The following MYLIP variants were observed in gnomAD, a reference collection of about 807,000 sequenced individuals.
The protein encoded by MYLIP is myosin regulatory light chain interacting protein.
A neutral mutation model predicts 45.8 loss-of-function variants in MYLIP; 26 were observed. That is an observed-to-expected ratio of 0.57 (90% CI 0.42 to 0.79). The LOEUF is 0.79. Ranked by LOEUF, MYLIP falls within the 30% of genes least tolerant of loss-of-function variation. MYLIP has a pLI of 0.00. For synonymous variants in MYLIP, 213 were observed against 218.1 expected (o/e 0.98, Z 0.21); for missense variants, 494 against 555.6 (o/e 0.89, Z 1.11).
chr6:16,141,903 G>A lies in MYLIP; in HGVS notation c.464+93G>A. ...AAGGTAAACTAATCACACATAATATGCAGTTTTATGTACATTTTTGAGCTC... is the reference window on the plus strand; with the variant it reads ...AAGGTAAACTAATCACACATAATATACAGTTTTATGTACATTTTTGAGCTC... On this transcript the variant is annotated intron_variant, in intron 3 of 6. Transcript: ENST00000356840. The A allele has an allele frequency of 1.7e-6, 2 of 1,185,622 alleles. 1 individual carries two copies. The highest frequency in any genetic ancestry group is 3.6e-5 in the South Asian group (2 of 56,304). 73.4% of individuals were successfully genotyped at this position (1,185,622 alleles called of 1,614,324 possible).
downstream of MYLIP, among the ~76,000 whole-genome samples, chr6:16,150,513 C>A (rs952418897): frequency 6.6e-6 from 1 of 152,046 alleles, no homozygotes; most frequent in African/African-American, 2.4e-5. Context: ...AATAGGAGGC[C>A]CTGTGTAGGC....
the MYLIP span, among the ~76,000 whole-genome samples, chr6:16,159,831 G>A: frequency 5.3e-4 from 80 of 152,276 alleles, no homozygotes; most frequent in Admixed American, 9.1e-4. Flanking sequence ...CCAGGGGATC[G>A]AAAGAAACCA....
the MYLIP span, among the ~76,000 whole-genome samples, chr6:16,159,404 A>G: frequency 6.6e-6 from 1 of 152,178 alleles, no homozygotes; most frequent in Non-Finnish European, 1.5e-5. Flanking sequence ...GGGCCCTTTC[A>G]TGGGACTCTA....
At chr6:16,157,398 T>G in the MYLIP span, among the ~76,000 whole-genome samples, 1 of 152,272 alleles carries the variant, frequency 6.6e-6, no homozygotes, top group East Asian at 1.9e-4. Flanking sequence ...TTCATAGCAT[T>G]TATCACTATC....
the MYLIP span, among the ~76,000 whole-genome samples, chr6:16,158,206 C>T: frequency 6.6e-6 from 1 of 152,250 alleles, no homozygotes; most frequent in Non-Finnish European, 1.5e-5. Flanking sequence ...CAAAAGCACA[C>T]CGTCCCCGCC....
intron 6 of MYLIP, 108 bp downstream of exon 6, chr6:16,145,425 A>G (rs538057748): frequency 1.6e-6 from 2 of 1,261,680 alleles, no homozygotes; most frequent in African/African-American, 3.0e-5. Context: ...GGGAATGCCC[A>G]TCTTCACCCG....
chr6:16,162,946 G>A, the MYLIP span, among the ~76,000 whole-genome samples: 3 of 151,962 alleles, frequency 2.0e-5, no homozygotes, highest in Admixed American at 6.6e-5. Flanking sequence ...AAGATGACAC[G>A]CCCTCTGCTT....
intron 2 of MYLIP, among the ~76,000 whole-genome samples, chr6:16,136,852 A>G (rs1011605040): frequency 6.6e-6 from 1 of 152,204 alleles, no homozygotes; most frequent in African/African-American, 2.4e-5. Flanking sequence ...TATCTTTTTC[A>G]AAGTGTCCAA....
At chr6:16,141,532 C>A (rs1239427640) in intron 2 of MYLIP, 93 bp from the exon 3 acceptor site, 11 of 1,191,532 alleles carry the variant, frequency 9.2e-6, no homozygotes, top group African/African-American at 1.5e-5. Context: ...TTTAAAATTG[C>A]TTTCCTTAAA....
At chr6:16,146,603 ACACAGGCCCCC>A in intron 6 of MYLIP, 48 bp from the exon 7 acceptor site, 1 of 1,381,868 alleles carries the variant, frequency 7.2e-7, no homozygotes, top group African/African-American at 1.4e-5. Flanking sequence ...GTGCACAGAG[ACACAGGCCCCC>A]CACCGAGGCT....
the MYLIP span, among the ~76,000 whole-genome samples, chr6:16,162,785 T>TAAAAAAAAAAAAAAAAAAAAAAAAAAAA: frequency 2.4e-4 from 17 of 69,608 alleles, 2 homozygotes; most frequent in African/African-American, 7.7e-4. Context: ...ACCTCAACTC[T>TAAAAAAAAAAAAAAAAAAAAAAAAAAAA]AAAAAAAAAA....
the MYLIP span, among the ~76,000 whole-genome samples, chr6:16,157,792 A>G: frequency 1.3e-5 from 2 of 152,240 alleles, no homozygotes; most frequent in Non-Finnish European, 2.9e-5. Flanking sequence ...CGTACAGGAA[A>G]CTCCCAGGTT....
chr6:16,129,953 G>A lies in MYLIP; in HGVS notation c.87+544G>A, dbSNP rs1235314241. On this transcript the variant is annotated intron_variant, in intron 1 of 6. Coordinates refer to ENST00000356840, the MANE Select transcript of MYLIP (RefSeq NM_013262.4). The surrounding 1 kb of genome is among the most constrained non-coding windows in gnomAD (Gnocchi z 5.1). ...CGGGGGACGGGAGGAATAGGTTTGG[G>A]TCATCTACTGCTCGGTTGTTTTTAA... is the stretch of plus-strand genomic sequence containing the variant. Among the ~76,000 whole-genome samples the A allele has an allele frequency of 2.6e-5, 4 of 152,360 alleles. No individual in the cohort carries two copies. The East Asian group carries it at 7.7e-4, about 29-fold the overall frequency.
At position 16,146,851 on chromosome 6, in the gene MYLIP, A is replaced by C; in HGVS notation, c.*100A>C. 6 of 991,776 alleles carry C rather than the reference A, an allele frequency of 6.0e-6. No homozygotes were observed. Among genetic ancestry groups the C allele is most frequent in the East Asian group, 2.7e-5 (1 of 36,454 alleles). The allele number at this position is 991,776 out of a possible 1,614,324, so 61.4% of individuals were successfully genotyped here. A position where few individuals can be genotyped will look rare whatever the true frequency, so the allele number is the denominator to read the frequency against. On this transcript the variant is annotated 3_prime_UTR_variant, in exon 7 of 7. Coordinates refer to ENST00000356840, the MANE Select transcript of MYLIP (RefSeq NM_013262.4). ...GGAGAAAGTAATTATTCCAACACCCATCTGCCATGCGATGTTAAAAAAAAA... is the reference window on the plus strand; with the variant it reads ...GGAGAAAGTAATTATTCCAACACCCCTCTGCCATGCGATGTTAAAAAAAAA...
chr6:16,130,133 T>C (rs1337675065), intron 1 of MYLIP, among the ~76,000 whole-genome samples: 1 of 152,242 alleles, frequency 6.6e-6, no homozygotes, highest in Non-Finnish European at 1.5e-5. Context: ...CTGACACTTG[T>C]GGCGTGTTCC....
chr6:16,145,189 C>T lies in MYLIP; in HGVS notation c.1120C>T (p.Leu374=). Residue 374 remains leucine (L), a synonymous_variant, in exon 6 of 7, where the codon CTG becomes TTG. Coordinates refer to ENST00000356840, the MANE Select transcript of MYLIP (RefSeq NM_013262.4). The part of the protein sequence containing the change: ...EGLSCQQTRV[L]QEKLRKLKEA... ...CCTCAGCTGCCAGCAGACCCGGGTG[C>T]TGCAGGAGAAGCTACGCAAGCTGAA... 1.9e-6 allele frequency: 3 copies of T among 1,614,170 alleles called. No homozygotes were observed. Among genetic ancestry groups the T allele is most frequent in the South Asian group, 2.2e-5 (2 of 91,082 alleles).
At chr6:16,142,326 G>C (rs1239359033) in intron 3 of MYLIP, among the ~76,000 whole-genome samples, 1 of 152,206 alleles carries the variant, frequency 6.6e-6, no homozygotes, top group Non-Finnish European at 1.5e-5. Context: ...TTTTAAATCT[G>C]TGCCTTTAAG....
Position 16,129,419 on chromosome 6 carries a change from A to AG in MYLIP, c.87+14dup. ...GGACTGCCTCAACCAGGTGAGGGCG[A>AG]GGGGCAAGAAGGGGCCCCGGCGGGT... On this transcript the variant is annotated intron_variant, in intron 1 of 6. Transcript: ENST00000356840. The surrounding 1 kb of genome is among the most constrained non-coding windows in gnomAD (Gnocchi z 5.1). The AG allele has an allele frequency of 6.4e-7, 1 of 1,568,430 alleles. No homozygotes were observed. The highest frequency in any genetic ancestry group is 8.6e-7 in the Non-Finnish European group (1 of 1,157,478).
In MYLIP at chr6:16,146,951, A is replaced by G. The variant is rs1483154700; in HGVS notation, c.*200A>G. The G allele has an allele frequency of 1.3e-5, 6 of 474,514 alleles. No individual in the cohort carries two copies. The highest frequency in any genetic ancestry group is 2.3e-5 in the Non-Finnish European group (6 of 259,820). 29.4% of individuals were successfully genotyped at this position (474,514 alleles called of 1,614,324 possible). On this transcript the variant is annotated 3_prime_UTR_variant, in exon 7 of 7. Transcript: ENST00000356840. ...ATGCGTAGAATCAACAACTCCAGTC[A>G]TGGGACCAGGAGGAGCTCTGGGACG...
Sources: allele counts gnomAD v4.1 joint callset (sites outside exome capture counted in the v4.1 genomes callset), GRCh38; gene constraint gnomAD v4.1.1; non-coding constraint Gnocchi (gnomAD v3.1); transcripts MANE v1.5; gene names NCBI Gene and HGNC (gene_info 2026-07-23, HGNC 2026-07-21).